Variants in DOK6 observed in about 807,000 individuals in gnomAD.
DOK6 encodes the protein docking protein 6, also known as downstream of tyrosine kinase 6.
A neutral mutation model predicts 44.0 loss-of-function variants in DOK6; 22 were observed. The observed-to-expected ratio is 0.50, with a 90% CI of 0.36 to 0.71. The LOEUF (loss-of-function observed/expected upper bound fraction) is 0.71. DOK6 is among the 30% of genes least tolerant of loss of function. DOK6 has a pLI of 0.00. For synonymous variants in DOK6, 166 were observed against 145.5 expected, an observed-to-expected ratio of 1.14 and a Z score of -1.01; for missense variants, 340 against 416.4, an observed-to-expected ratio of 0.82 and a Z score of 1.60.
At chr18:69,656,252 G>A (rs1225579371) in intron 3 of DOK6, among the ~76,000 whole-genome samples, 1 of 152,134 alleles carries the variant, frequency 6.6e-6, no homozygotes, top group East Asian at 1.9e-4. Flanking sequence ...AGTAAGGGTA[G>A]CAAGAAAGAT....
chr18:69,409,185 G>A (rs1414885757), intron 1 of DOK6, among the ~76,000 whole-genome samples: 1 of 152,098 alleles, frequency 6.6e-6, no homozygotes, highest in Non-Finnish European at 1.5e-5. Context: ...CCTGTGAAGA[G>A]GTGCCTTCCA....
intron 3 of DOK6, among the ~76,000 whole-genome samples, chr18:69,617,516 AAAG>A (rs1206815197): frequency 4.1e-4 from 10 of 24,404 alleles, no homozygotes; most frequent in Admixed American, 1.8e-3. Flanking sequence ...GAAAGAAAGA[AAAG>A]AAAGAAAGGA....
intron 1 of DOK6, among the ~76,000 whole-genome samples, chr18:69,432,546 C>T (rs1978837166): frequency 6.6e-6 from 1 of 152,138 alleles, no homozygotes; most frequent in South Asian, 2.1e-4. Context: ...AATCTGATTG[C>T]TAACAACATA....
At chr18:69,498,619 T>C (rs554092600) in intron 1 of DOK6, among the ~76,000 whole-genome samples, 2 of 152,332 alleles carry the variant, frequency 1.3e-5, no homozygotes, top group East Asian at 1.9e-4. Flanking sequence ...AGTGTATAAG[T>C]TACCCCACAA....
At chr18:69,820,923 C>T (rs559723274) in intron 7 of DOK6, among the ~76,000 whole-genome samples, 53 of 151,952 alleles carry the variant, frequency 3.5e-4, no homozygotes, top group African/African-American at 1.0e-3. Context: ...GGGAGGGGAT[C>T]GGGAAGAATA....
intron 5 of DOK6, among the ~76,000 whole-genome samples, chr18:69,736,192 T>A (rs1487910934): frequency 6.6e-6 from 1 of 152,190 alleles, no homozygotes; most frequent in Non-Finnish European, 1.5e-5. Context: ...AGTGCCTAGG[T>A]TATAGTAGCT....
At chr18:69,529,573 G>T (rs1348295) in intron 1 of DOK6, among the ~76,000 whole-genome samples, 2 of 152,004 alleles carry the variant, frequency 1.3e-5, no homozygotes, top group African/African-American at 4.8e-5. Context: ...GCAAGATAGC[G>T]TAATGGGCAC....
intron 1 of DOK6, among the ~76,000 whole-genome samples, chr18:69,550,846 C>T (rs147654961): frequency 0.032 from 4,663 of 146,094 alleles, 109 homozygotes; most frequent in Middle Eastern, 0.056. Context: ...TGCAGAGGCA[C>T]GATCTTGGCT....
chr18:69,502,408 C>A (rs992608504), intron 1 of DOK6, among the ~76,000 whole-genome samples: 2 of 151,716 alleles, frequency 1.3e-5, no homozygotes, highest in African/African-American at 4.8e-5. Context: ...TATTAAAAGT[C>A]GAGAAAGAAG....
chr18:69,768,954 CGTGT>C (rs61202412), intron 7 of DOK6, among the ~76,000 whole-genome samples: 143 of 142,694 alleles, frequency 1.0e-3, no homozygotes, highest in African/African-American at 3.4e-3. Flanking sequence ...GAAGGGTGTG[CGTGT>C]GTGTGTGTGT....
At chr18:69,729,406 A>G (rs1978335785) in intron 5 of DOK6, among the ~76,000 whole-genome samples, 1 of 152,154 alleles carries the variant, frequency 6.6e-6, no homozygotes, top group African/African-American at 2.4e-5. Flanking sequence ...TATCTTTCCC[A>G]ATTGTTCTTT....
chr18:69,462,255 T>G (rs1256546120), intron 1 of DOK6, among the ~76,000 whole-genome samples: 1 of 152,206 alleles, frequency 6.6e-6, no homozygotes, highest in Non-Finnish European at 1.5e-5. Flanking sequence ...TTTTTAACCA[T>G]GTGCTTTCAA....
At chr18:69,500,178 A>G (rs1981008352) in intron 1 of DOK6, among the ~76,000 whole-genome samples, 1 of 152,096 alleles carries the variant, frequency 6.6e-6, no homozygotes, top group African/African-American at 2.4e-5. Flanking sequence ...CTGTCAGTCT[A>G]CTATTTTCCA....
chr18:69,623,457 A>T (rs948441439), intron 3 of DOK6, among the ~76,000 whole-genome samples: 3 of 152,236 alleles, frequency 2.0e-5, no homozygotes, highest in African/African-American at 4.8e-5. Context: ...AAAGAAGGTA[A>T]AATTCAACTT....
chr18:69,798,501 C>T (rs1451863444), intron 7 of DOK6, among the ~76,000 whole-genome samples: 1 of 152,004 alleles, frequency 6.6e-6, no homozygotes, highest in Non-Finnish European at 1.5e-5. Context: ...CCAAATTATA[C>T]ATACAACAGT....
chr18:69,792,667 C>T (rs2145098745), intron 7 of DOK6, among the ~76,000 whole-genome samples: 1 of 152,152 alleles, frequency 6.6e-6, no homozygotes, highest in Admixed American at 6.6e-5. Context: ...AATTTGGCTG[C>T]TCTTTATTTC....
At position 69,826,921 on chromosome 18, in the gene DOK6, G is replaced by A. The variant is rs77397867; in HGVS notation, c.857-14323G>A. On this transcript the variant is annotated intron_variant, in intron 7 of 7. Transcript: ENST00000382713. ...ACAATTCTCAACTCTCCTATTGGATGCTAGAGGATTATAATTTGCTGCAGA... is the reference window on the plus strand; with the variant it reads ...ACAATTCTCAACTCTCCTATTGGATACTAGAGGATTATAATTTGCTGCAGA... 3.3e-3 allele frequency among the ~76,000 whole-genome samples: 498 copies of A among 152,224 alleles called. 3 individuals are homozygous for A. The highest frequency in any genetic ancestry group is 0.011 in the African/African-American group (445 of 41,552).
At chr18:69,827,344 C>A (rs905656623) in intron 7 of DOK6, among the ~76,000 whole-genome samples, 4 of 151,982 alleles carry the variant, frequency 2.6e-5, no homozygotes, top group African/African-American at 9.7e-5. Context: ...AAGCCATGAC[C>A]ATTTGGACAT....
chr18:69,836,609 C>T lies in DOK6; in HGVS notation c.857-4635C>T, dbSNP rs375632124. Reference sequence around the variant, plus strand: ...AAGGTAAGAGGACTTTTAAAATAAACCAATAACCATTAACAATTTTATTGC... The same window carrying T: ...AAGGTAAGAGGACTTTTAAAATAAATCAATAACCATTAACAATTTTATTGC... On this transcript the variant is annotated intron_variant, in intron 7 of 7. Coordinates refer to ENST00000382713, the MANE Select transcript of DOK6 (RefSeq NM_152721.6). 2.7e-4 allele frequency among the ~76,000 whole-genome samples: 41 copies of T among 152,102 alleles called. No homozygotes were observed. In the South Asian group the frequency reaches 8.5e-3, roughly 32 times the overall value.
Sources: allele counts gnomAD v4.1 joint callset (sites outside exome capture counted in the v4.1 genomes callset), GRCh38; gene constraint gnomAD v4.1.1; transcripts MANE v1.5; gene names NCBI Gene and HGNC (gene_info 2026-07-23, HGNC 2026-07-21).